The following MACROD2 variants were observed in gnomAD, a reference collection of about 807,000 sequenced individuals.
MACROD2 encodes mono-ADP ribosylhydrolase 2.
A neutral mutation model predicts 70.4 loss-of-function variants in MACROD2; 36 were observed. That is an observed-to-expected ratio of 0.51 (90% CI 0.39 to 0.68). The LOEUF (loss-of-function observed/expected upper bound fraction) is 0.68. MACROD2 is among the 30% of genes least tolerant of loss of function. The probability of loss-of-function intolerance (pLI) is 0.00; values close to 1 mark genes in which losing one functional copy is unlikely to be tolerated. For missense variants in MACROD2, 496 were observed against 538.4 expected, an observed-to-expected ratio of 0.92 and a Z score of 0.78; for synonymous variants, 172 against 178.8, an observed-to-expected ratio of 0.96 and a Z score of 0.30.
intron 5 of MACROD2, among the ~76,000 whole-genome samples, chr20:15,130,791 T>C (rs2076099227): frequency 6.6e-6 from 1 of 152,110 alleles, no homozygotes; most frequent in Admixed American, 6.6e-5. Flanking sequence ...ATCTCTGTTA[T>C]ATCTGAGGAA....
At chr20:14,010,896 C>A (rs992634275) in intron 2 of MACROD2, among the ~76,000 whole-genome samples, 1 of 152,130 alleles carries the variant, frequency 6.6e-6, no homozygotes, top group Non-Finnish European at 1.5e-5. Flanking sequence ...AAAGTTTTCT[C>A]CAGCATGAAT....
At chr20:14,212,847 A>G (rs1179959851) in intron 3 of MACROD2, among the ~76,000 whole-genome samples, 2 of 151,726 alleles carry the variant, frequency 1.3e-5, no homozygotes, top group Non-Finnish European at 2.9e-5. Context: ...CACTCAATAG[A>G]GGAAGGTTTG....
intron 3 of MACROD2, among the ~76,000 whole-genome samples, chr20:14,407,019 C>A (rs1300239084): frequency 1.3e-5 from 2 of 151,700 alleles, no homozygotes; most frequent in Non-Finnish European, 2.9e-5. Context: ...TGCATCCTTG[C>A]AGATAGTTTT....
chr20:15,280,925 TAAAGG>T (rs1201972947), intron 6 of MACROD2: 4 of 152,136 alleles, frequency 2.6e-5, no homozygotes, highest in Non-Finnish European at 4.4e-5. Flanking sequence ...GGGTAATTGA[TAAAGG>T]AAAGAGGTTT....
At chr20:14,986,865 A>T (rs1161122735) in intron 5 of MACROD2, among the ~76,000 whole-genome samples, 2 of 152,168 alleles carry the variant, frequency 1.3e-5, no homozygotes, top group Non-Finnish European at 2.9e-5. Context: ...AAGGCAAAAA[A>T]AGTATGACTG....
intron 8 of MACROD2, among the ~76,000 whole-genome samples, chr20:15,713,516 A>G (rs2050658446): frequency 6.6e-6 from 1 of 151,282 alleles, no homozygotes; most frequent in Non-Finnish European, 1.5e-5. Flanking sequence ...GGAAGCAGGC[A>G]TGTCTTCACC....
intron 8 of MACROD2, among the ~76,000 whole-genome samples, chr20:15,779,036 T>C (rs1377925387): frequency 6.6e-6 from 1 of 151,962 alleles, no homozygotes; most frequent in Non-Finnish European, 1.5e-5. Flanking sequence ...AAACAGCAAG[T>C]AGGAATCACA....
intron 6 of MACROD2, among the ~76,000 whole-genome samples, chr20:15,254,307 A>G (rs1460223384): frequency 6.6e-6 from 1 of 152,170 alleles, no homozygotes; most frequent in South Asian, 2.1e-4. Context: ...TCAAAAAGGA[A>G]AATCAAAGCG....
chr20:15,197,536 C>T (rs1243649987), intron 5 of MACROD2, among the ~76,000 whole-genome samples: 5 of 152,180 alleles, frequency 3.3e-5, no homozygotes, highest in Non-Finnish European at 7.3e-5. Context: ...ACCCACTAGA[C>T]AATTGAATCT....
At chr20:14,908,170 C>A (rs908964904) in intron 5 of MACROD2, among the ~76,000 whole-genome samples, 1 of 151,788 alleles carries the variant, frequency 6.6e-6, no homozygotes, top group African/African-American at 2.4e-5. Flanking sequence ...ACGGTGAAAT[C>A]TTTTCTCTAC....
chr20:14,418,987 T>TG (rs1243220198), intron 3 of MACROD2, among the ~76,000 whole-genome samples: 5 of 152,162 alleles, frequency 3.3e-5, no homozygotes, highest in South Asian at 2.1e-4. Flanking sequence ...TTCCTAGATC[T>TG]GGGGGGCTAA....
intron 8 of MACROD2, among the ~76,000 whole-genome samples, chr20:15,679,379 C>T (rs150401507): frequency 4.7e-4 from 72 of 152,188 alleles, no homozygotes; most frequent in African/African-American, 1.6e-3. Flanking sequence ...ATAGCAGGTG[C>T]ACCAGGCAAA....
chr20:15,799,297 A>G (rs2063702653), intron 8 of MACROD2, among the ~76,000 whole-genome samples: 1 of 152,218 alleles, frequency 6.6e-6, no homozygotes, highest in Non-Finnish European at 1.5e-5. Context: ...TGTGTTGGGA[A>G]CATTTCAAAT....
At chr20:15,534,475 G>A (rs537495153) in intron 8 of MACROD2, among the ~76,000 whole-genome samples, 14 of 152,182 alleles carry the variant, frequency 9.2e-5, no homozygotes, top group South Asian at 2.1e-4. Flanking sequence ...TGAGAAAAGC[G>A]TTTCTGTATA....
intron 5 of MACROD2, among the ~76,000 whole-genome samples, chr20:14,984,409 G>A (rs2074830393): frequency 6.6e-6 from 1 of 152,178 alleles, no homozygotes; most frequent in Admixed American, 6.5e-5. Flanking sequence ...TTTCACCAAA[G>A]CAAGAATATC....
intron 8 of MACROD2, among the ~76,000 whole-genome samples, chr20:15,738,586 CAT>C (rs2051059730): frequency 6.6e-6 from 1 of 152,008 alleles, no homozygotes; most frequent in South Asian, 2.1e-4. Flanking sequence ...AAATAACACT[CAT>C]AGGGAAAAGA....
chr20:15,547,499 T>G (rs539035794), intron 8 of MACROD2, among the ~76,000 whole-genome samples: 1 of 152,350 alleles, frequency 6.6e-6, no homozygotes, highest in African/African-American at 2.4e-5. Flanking sequence ...ACTGGAAGAC[T>G]AGCCCAGTTG....
intron 2 of MACROD2, among the ~76,000 whole-genome samples, chr20:14,039,939 T>C (rs1254825842): frequency 6.6e-6 from 1 of 152,128 alleles, no homozygotes; most frequent in Non-Finnish European, 1.5e-5. Flanking sequence ...TATGTGAACA[T>C]TGTAGAGTGA....
intron 8 of MACROD2, among the ~76,000 whole-genome samples, chr20:15,718,098 C>T (rs2050732797): frequency 6.6e-6 from 1 of 151,296 alleles, no homozygotes; most frequent in East Asian, 1.9e-4. Flanking sequence ...TTCCGGCCCC[C>T]AGGTTCAAGT....
Sources: gnomAD v4.1 joint callset for allele counts (sites outside exome capture counted in the v4.1 genomes callset) on GRCh38, gnomAD v4.1.1 for gene constraint, MANE v1.5 for transcripts, NCBI Gene and HGNC (gene_info 2026-07-23, HGNC 2026-07-21) for gene names.